The following SLC10A7 variants were observed in gnomAD, a reference collection of about 807,000 sequenced individuals.
SLC10A7 encodes solute carrier family 10 member 7.
Under a neutral mutation model 43.2 loss-of-function variants are expected in SLC10A7, and 29 were observed. That is an observed-to-expected ratio of 0.67 (90% CI 0.50 to 0.92). SLC10A7 has a LOEUF of 0.92. Ranked by LOEUF, SLC10A7 falls within the 40% of genes least tolerant of loss-of-function variation. The probability of loss-of-function intolerance (pLI) is 0.00; values close to 1 mark genes in which losing one functional copy is unlikely to be tolerated. For missense variants in SLC10A7, 295 were observed against 403.2 expected (o/e 0.73, Z 2.30); for synonymous variants, 152 against 144.8 (o/e 1.05, Z -0.35).
At chr4:146,476,948 GAAAAA>G (rs11298351) in intron 4 of SLC10A7, among the ~76,000 whole-genome samples, 28 of 149,960 alleles carry the variant, frequency 1.9e-4, no homozygotes, top group African/African-American at 6.8e-4. Flanking sequence ...ATTCTGCTCT[GAAAAA>G]AAAAAAATAC....
intron 9 of SLC10A7, among the ~76,000 whole-genome samples, chr4:146,291,562 C>A (rs907799824): frequency 6.6e-6 from 1 of 152,160 alleles, no homozygotes; most frequent in African/African-American, 2.4e-5. Flanking sequence ...ATGGGCTTTG[C>A]AATCTGGCTC....
intron 9 of SLC10A7, among the ~76,000 whole-genome samples, chr4:146,288,684 G>C (rs1384512733): frequency 6.6e-6 from 1 of 152,184 alleles, no homozygotes; most frequent in African/African-American, 2.4e-5. Flanking sequence ...TATTTGAGTA[G>C]TAATGACTAA....
intron 6 of SLC10A7, among the ~76,000 whole-genome samples, chr4:146,317,373 GT>G (rs1732399291): frequency 6.6e-6 from 1 of 152,076 alleles, no homozygotes; most frequent in Non-Finnish European, 1.5e-5. Flanking sequence ...AACAGATAAA[GT>G]CCCTGCTCTC....
chr4:146,466,364 T>C (rs1258626902), intron 4 of SLC10A7, among the ~76,000 whole-genome samples: 2 of 149,680 alleles, frequency 1.3e-5, no homozygotes, highest in East Asian at 2.0e-4. Flanking sequence ...TAAAAACAAA[T>C]TGCTTCACCT....
At chr4:146,265,350 C>A (rs1458064720) in intron 10 of SLC10A7, among the ~76,000 whole-genome samples, 2 of 152,244 alleles carry the variant, frequency 1.3e-5, no homozygotes, top group East Asian at 3.8e-4. Context: ...ATTGCTATCA[C>A]TGGCTCAGGG....
chr4:146,301,898 GA>G (rs1177679675), intron 7 of SLC10A7, among the ~76,000 whole-genome samples: 2 of 150,346 alleles, frequency 1.3e-5, no homozygotes. Context: ...GAACACTTAA[GA>G]AAAAAAAAGC....
At chr4:146,415,224 A>ACG (rs1728482001) in intron 5 of SLC10A7, among the ~76,000 whole-genome samples, 1 of 152,164 alleles carries the variant, frequency 6.6e-6, no homozygotes, top group Non-Finnish European at 1.5e-5. Flanking sequence ...TTAAAGTGGA[A>ACG]TTCCTTCAGC....
intron 10 of SLC10A7, 102 bp downstream of exon 10, chr4:146,283,090 A>T (rs1392913910): frequency 1.1e-6 from 1 of 900,030 alleles, no homozygotes; most frequent in Non-Finnish European, 1.8e-6. Flanking sequence ...AGTGTGGACA[A>T]CACCCCATTC....
At chr4:146,320,936 T>C (rs1310139824) in intron 6 of SLC10A7, among the ~76,000 whole-genome samples, 1 of 151,964 alleles carries the variant, frequency 6.6e-6, no homozygotes, top group Non-Finnish European at 1.5e-5. Flanking sequence ...GGCAGAAACA[T>C]GAATCAGAGG....
chr4:146,312,777 A>C (rs1368453274), intron 6 of SLC10A7, among the ~76,000 whole-genome samples: 1 of 152,162 alleles, frequency 6.6e-6, no homozygotes, highest in African/African-American at 2.4e-5. Context: ...TTACTTTCTA[A>C]TAACTTTGAT....
intron 5 of SLC10A7, among the ~76,000 whole-genome samples, chr4:146,419,845 A>AG (rs959376610): frequency 6.6e-6 from 1 of 152,182 alleles, no homozygotes; most frequent in African/African-American, 2.4e-5. Context: ...AAAAAAAAAA[A>AG]GAAATCACAA....
At chr4:146,339,505 T>C (rs1283782597) in intron 5 of SLC10A7, among the ~76,000 whole-genome samples, 1 of 151,934 alleles carries the variant, frequency 6.6e-6, no homozygotes, top group Middle Eastern at 3.2e-3. Flanking sequence ...GAGGCTTCAG[T>C]CAGGAGAAGG....
rs530678170 is a variant in SLC10A7 at position 146,487,774 on chromosome 4, G to A, written c.396+16075C>T. Among the ~76,000 whole-genome samples, 35 of 152,262 alleles carry A rather than the reference G, an allele frequency of 2.3e-4. No individual in the cohort carries two copies. The South Asian group carries it at 7.3e-3, about 32-fold the overall frequency. On this transcript the variant is annotated intron_variant, in intron 4 of 11. Coordinates refer to ENST00000335472, the MANE Select transcript of SLC10A7 (RefSeq NM_001029998.6). The stretch of plus-strand genomic sequence containing the variant: ...AGATAGAAAAATATAGGCCAGATAT[G>A]GTAGCTCACATCTGTAATCTCATCT...
chr4:146,278,014 C>A (rs1332967753), intron 10 of SLC10A7, among the ~76,000 whole-genome samples: 3 of 152,074 alleles, frequency 2.0e-5, no homozygotes, highest in Non-Finnish European at 4.4e-5. Context: ...TAAAACAATT[C>A]AAACCCATGC....
At position 146,256,398 on chromosome 4, in the gene SLC10A7, T is replaced by A; in HGVS notation, c.*93A>T. 1 of 1,221,742 alleles carries A rather than the reference T, an allele frequency of 8.2e-7. No individual in the cohort carries two copies. The highest frequency in any genetic ancestry group is 1.3e-5 in the South Asian group (1 of 77,778). The allele number at this position is 1,221,742 out of a possible 1,614,324, so 75.7% of individuals were successfully genotyped here. ...TTTGTGTAAAAAAATAAAATATGCATTGAGGCAACATTCACAAGTACAAGT... is the reference window on the plus strand; with the variant it reads ...TTTGTGTAAAAAAATAAAATATGCAATGAGGCAACATTCACAAGTACAAGT... On this transcript the variant is annotated 3_prime_UTR_variant, in exon 12 of 12. Coordinates refer to ENST00000335472, the MANE Select transcript of SLC10A7 (RefSeq NM_001029998.6).
At chr4:146,350,789 CA>C (rs1339746997) in intron 5 of SLC10A7, among the ~76,000 whole-genome samples, 1 of 106,338 alleles carries the variant, frequency 9.4e-6, no homozygotes, top group Non-Finnish European at 1.8e-5. Flanking sequence ...CCTCACACGG[CA>C]GGGTATTCCA....
In SLC10A7 at chr4:146,442,812, T is replaced by C. The variant is rs373382583; in HGVS notation, c.406A>G (p.Ile136Val). 1 of 1,592,340 alleles carries C rather than the reference T, an allele frequency of 6.3e-7. No homozygotes were observed. Among genetic ancestry groups the C allele is most frequent in the Non-Finnish European group, 8.5e-7 (1 of 1,172,106 alleles). The change falls in exon 5 of 12, where the codon ATA (isoleucine) becomes GTA (valine). Residue 136 changes from isoleucine (I) to valine (V), a missense_variant. Transcript: ENST00000335472. ...AAACTTCCAAAGGCTGAATTAAATA[T>C]TGCAGCTGCCTATGAAGAAAATAAA... ...KAVGGNEAAA[I>V]FNSAFGSFLG...
At chr4:146,261,533 A>T (rs1483310525) in intron 10 of SLC10A7, among the ~76,000 whole-genome samples, 2 of 152,076 alleles carry the variant, frequency 1.3e-5, no homozygotes, top group African/African-American at 4.8e-5. Context: ...TCAAAGGGTG[A>T]TTTCTGCTTT....
chr4:146,322,836 C>T (rs1019023767), intron 6 of SLC10A7, among the ~76,000 whole-genome samples: 3 of 152,144 alleles, frequency 2.0e-5, no homozygotes, highest in African/African-American at 4.8e-5. Context: ...ACCATCCCAC[C>T]AACAGTGTAA....
Sources: allele counts gnomAD v4.1 joint callset (sites outside exome capture counted in the v4.1 genomes callset), GRCh38; gene constraint gnomAD v4.1.1; transcripts MANE v1.5; gene names NCBI Gene and HGNC (gene_info 2026-07-23, HGNC 2026-07-21).